Variants in ZNF236 observed in about 807,000 individuals in gnomAD.
ZNF236 encodes regulated by glucose.
In ZNF236, 50 loss-of-function variants were observed where a neutral mutation model predicts 191.2. The ratio of observed to expected loss-of-function variants is 0.26; its 90% CI spans 0.21 to 0.33. The LOEUF is 0.33. Among genes scored for constraint, ZNF236 ranks in the 10% least tolerant of loss-of-function variants. The pLI is 1.00. For synonymous variants in ZNF236, 907 were observed against 928.8 expected (o/e 0.98, Z 0.43); for missense variants, 1,754 against 2,374.5 (o/e 0.74, Z 5.43).
chr18:76,832,798 T>C (rs1975211660), intron 1 of ZNF236, among the ~76,000 whole-genome samples: 2 of 152,214 alleles, frequency 1.3e-5, no homozygotes, highest in Middle Eastern at 3.2e-3. Flanking sequence ...TTATATTGAC[T>C]CTATAGATAA....
At chr18:76,842,640 A>G (rs1975544638) in intron 1 of ZNF236, among the ~76,000 whole-genome samples, 2 of 152,070 alleles carry the variant, frequency 1.3e-5, no homozygotes, top group African/African-American at 2.4e-5. Context: ...AATCCCAGCT[A>G]CTTGGGAGGC....
intron 25 of ZNF236, among the ~76,000 whole-genome samples, chr18:76,931,663 A>AT (rs545429415): frequency 3.9e-4 from 59 of 152,312 alleles, no homozygotes; most frequent in Non-Finnish European, 7.1e-4. Flanking sequence ...GCTTTCTAAG[A>AT]TTTTAAAGCA....
At chr18:76,857,728 G>A (rs991657048) in intron 3 of ZNF236, among the ~76,000 whole-genome samples, 4 of 152,098 alleles carry the variant, frequency 2.6e-5, no homozygotes, top group African/African-American at 9.7e-5. Flanking sequence ...GTGTGTCTCT[G>A]CTGTGTCTCT....
chr18:76,952,680 C>A (rs1968436991), intron 27 of ZNF236, among the ~76,000 whole-genome samples: 1 of 152,194 alleles, frequency 6.6e-6, no homozygotes, highest in Admixed American at 6.5e-5. Context: ...CAGTAGCTCA[C>A]ACCTGTAATC....
chr18:76,861,781 A>T (rs956857849), intron 3 of ZNF236, among the ~76,000 whole-genome samples: 1 of 152,224 alleles, frequency 6.6e-6, no homozygotes, highest in Non-Finnish European at 1.5e-5. Flanking sequence ...GCCAACAGGC[A>T]CAGAAGGACT....
At chr18:76,856,783 T>C in intron 3 of ZNF236, among the ~76,000 whole-genome samples, 1 of 152,226 alleles carries the variant, frequency 6.6e-6, no homozygotes. Context: ...GGTTTCATTA[T>C]TTTTCTCTTC....
At position 76,956,272 on chromosome 18, in the gene ZNF236, A is replaced by G; in HGVS notation, c.5112+90A>G. On this transcript the variant is annotated intron_variant, in intron 28 of 30. Transcript: ENST00000320610. ...ATTTAACACTGGCCGGGAATCTGGCATGTGTTTTTGAGGAAAAGGCCGGTT... is the reference window on the plus strand; with the variant it reads ...ATTTAACACTGGCCGGGAATCTGGCGTGTGTTTTTGAGGAAAAGGCCGGTT... The G allele has an allele frequency of 2.7e-6, 4 of 1,473,268 alleles. No homozygotes were observed. The South Asian group carries it at 4.9e-5, about 18-fold the overall frequency. 91.3% of individuals were successfully genotyped at this position (1,473,268 alleles called of 1,614,324 possible). A position where few individuals can be genotyped will look rare whatever the true frequency, so the allele number is the denominator to read the frequency against.
chr18:76,854,584 C>CAAA (rs11381479), intron 3 of ZNF236, among the ~76,000 whole-genome samples: 3 of 143,618 alleles, frequency 2.1e-5, no homozygotes, highest in Non-Finnish European at 3.1e-5. Flanking sequence ...ACTGTCACTA[C>CAAA]AAAAAAAAAA....
chr18:76,854,988 T>A (rs1225813139), intron 3 of ZNF236, among the ~76,000 whole-genome samples: 1 of 152,250 alleles, frequency 6.6e-6, no homozygotes, highest in Non-Finnish European at 1.5e-5. Flanking sequence ...TACAGTGGCA[T>A]GATCTCAGCT....
intron 27 of ZNF236, among the ~76,000 whole-genome samples, chr18:76,954,374 A>C (rs1036951268): frequency 6.6e-6 from 1 of 152,190 alleles, no homozygotes; most frequent in Non-Finnish European, 1.5e-5. Flanking sequence ...GATGCTTCGT[A>C]ATACTGATGG....
intron 26 of ZNF236, among the ~76,000 whole-genome samples, chr18:76,943,548 A>C (rs537438690): frequency 2.6e-5 from 4 of 152,378 alleles, no homozygotes; most frequent in Admixed American, 1.3e-4. Context: ...TCATAAAAAA[A>C]CAAACTTATT....
At position 76,844,714 on chromosome 18, in the gene ZNF236, G is replaced by A. The variant is rs189296891; in HGVS notation, c.56-4812G>A. ...GTTAAATCCATGGAATGCTATAAAT[G>A]CAATAAGTTTTGTTGGAACTCGGCA... On this transcript the variant is annotated intron_variant, in intron 1 of 30. Transcript: ENST00000320610. Among the ~76,000 whole-genome samples the A allele has an allele frequency of 1.4e-4, 22 of 152,308 alleles. 1 individual carries two copies. Among genetic ancestry groups the A allele is most frequent in the Admixed American group, 1.1e-3 (17 of 15,298 alleles).
At chr18:76,935,564 T>C (rs953281886) in intron 25 of ZNF236, among the ~76,000 whole-genome samples, 1 of 152,238 alleles carries the variant, frequency 6.6e-6, no homozygotes, top group African/African-American at 2.4e-5. Context: ...GAATTTTTGC[T>C]GTGCGCTGGC....
In ZNF236 at chr18:76,857,720, G is replaced by A. The variant is rs933999681; in HGVS notation, c.363+5781G>A. Among the ~76,000 whole-genome samples the A allele has an allele frequency of 1.1e-4, 17 of 152,126 alleles. 1 individual carries two copies. The highest frequency in any genetic ancestry group is 1.1e-3 in the Admixed American group (17 of 15,272). ...CGGGCTGCCTTCCTGCTCTTCTAGT[G>A]TGTCTCTGCTGTGTCTCTCTTTGTA... On this transcript the variant is annotated intron_variant, in intron 3 of 30. Transcript: ENST00000320610.
rs1157771349 is a variant in ZNF236, at chr18:76,925,660, G to A, written c.4027+106G>A. Reference sequence around the variant, plus strand: ...GAGATGTTGTTTACCGTAGCACCACGTTTCCCTTCTTTGAGCCTTTTCCTT... The same window carrying A: ...GAGATGTTGTTTACCGTAGCACCACATTTCCCTTCTTTGAGCCTTTTCCTT... On this transcript the variant is annotated intron_variant, in intron 22 of 30. Coordinates refer to ENST00000320610, the MANE Select transcript of ZNF236 (RefSeq NM_001306089.2). This position sits in a 1 kb window ranked among gnomAD's most constrained non-coding sequence, Gnocchi z 5.7. 2.0e-5 allele frequency: 28 copies of A among 1,425,956 alleles called. 1 individual carries two copies. In the South Asian group the frequency reaches 2.3e-4, roughly 12 times the overall value. The allele number at this position is 1,425,956 out of a possible 1,614,324, so 88.3% of individuals were successfully genotyped here.
intron 16 of ZNF236, among the ~76,000 whole-genome samples, chr18:76,911,785 G>A (rs1276315617): frequency 2.6e-5 from 4 of 152,166 alleles, no homozygotes; most frequent in South Asian, 2.1e-4. Context: ...TTGTAATGCC[G>A]CTGTCAGGAA....
chr18:76,876,952 G>T (rs899767114), intron 6 of ZNF236, among the ~76,000 whole-genome samples: 2 of 152,142 alleles, frequency 1.3e-5, no homozygotes, highest in African/African-American at 4.8e-5. Flanking sequence ...TCCAGAAAGA[G>T]CCTCTAAAGA....
intron 1 of ZNF236, among the ~76,000 whole-genome samples, chr18:76,837,121 ACCCCCTCCC>A (rs1279588446): frequency 1.2e-4 from 4 of 32,766 alleles, no homozygotes; most frequent in African/African-American, 2.2e-4. Context: ...AGTGATCCGC[ACCCCCTCCC>A]CCCCCCCCCG....
Position 76,960,558 on chromosome 18 carries a change from C to T in ZNF236, c.5243-121C>T. 1 of 1,289,230 alleles carries T rather than the reference C, an allele frequency of 7.8e-7. No homozygotes were observed. Among genetic ancestry groups the T allele is most frequent in the Non-Finnish European group, 1.1e-6 (1 of 908,266 alleles). The allele number at this position is 1,289,230 out of a possible 1,614,324, so 79.9% of individuals were successfully genotyped here. A position where few individuals can be genotyped will look rare whatever the true frequency, so the allele number is the denominator to read the frequency against. ...TCCAGCCCTTTGTTCAGATGACAGC[C>T]AGGCTGAAAGCCTAAAAGAAAAGAG... On this transcript the variant is annotated intron_variant, in intron 29 of 30. Transcript: ENST00000320610. The surrounding 1 kb of genome is among the most constrained non-coding windows in gnomAD (Gnocchi z 4.4).
Sources: allele counts gnomAD v4.1 joint callset (sites outside exome capture counted in the v4.1 genomes callset), GRCh38; gene constraint gnomAD v4.1.1; non-coding constraint Gnocchi (gnomAD v3.1); transcripts MANE v1.5; gene names NCBI Gene and HGNC (gene_info 2026-07-23, HGNC 2026-07-21).